Variants in CNTLN observed in about 807,000 individuals in gnomAD.
CNTLN encodes centlein, centrosomal protein.
In CNTLN, 212 loss-of-function variants were observed where a neutral mutation model predicts 180.0. The ratio of observed to expected loss-of-function variants is 1.18; its 90% CI spans 1.05 to 1.32. The LOEUF (loss-of-function observed/expected upper bound fraction) is 1.32, where lower values mean the gene tolerates loss of function less well. Ranked by LOEUF, CNTLN falls within the 40% of genes most tolerant of loss-of-function variation. CNTLN has a pLI of 0.00. For missense variants in CNTLN, 2,095 were observed against 1,610.9 expected (o/e 1.30, Z -5.14); for synonymous variants, 722 against 563.1 (o/e 1.28, Z -3.99).
At chr9:17,390,839 AT>A (rs1463432782) in intron 14 of CNTLN, among the ~76,000 whole-genome samples, 2 of 152,198 alleles carry the variant, frequency 1.3e-5, no homozygotes, top group East Asian at 3.9e-4. Context: ...AATTTAAATA[AT>A]TTTGACCAGT....
At chr9:17,507,251 C>T (rs993829409), downstream of CNTLN, among the ~76,000 whole-genome samples, 18 of 152,216 alleles carry the variant, frequency 1.2e-4, no homozygotes, top group Middle Eastern at 3.4e-3. Context: ...ATTTTGTTTT[C>T]TGTTTCTGTA....
intron 13 of CNTLN, among the ~76,000 whole-genome samples, chr9:17,369,919 G>A (rs774797179): frequency 2.0e-4 from 30 of 151,742 alleles, no homozygotes; most frequent in Admixed American, 1.3e-4. Context: ...CCCGGGAGGC[G>A]GAGGTTGCTG....
intron 1 of CNTLN, among the ~76,000 whole-genome samples, chr9:17,140,534 G>T (rs1443403088): frequency 6.6e-6 from 1 of 151,958 alleles, no homozygotes; most frequent in East Asian, 1.9e-4. Flanking sequence ...TTGACCTCCC[G>T]GGCTCAGCAA....
At chr9:17,366,393 C>G (rs545189382) in intron 12 of CNTLN, among the ~76,000 whole-genome samples, 2 of 152,086 alleles carry the variant, frequency 1.3e-5, no homozygotes, top group African/African-American at 4.8e-5. Context: ...ATCCCCTTGC[C>G]TTGGCTTTCT....
At chr9:17,339,407 T>C (rs1410565553) in intron 10 of CNTLN, among the ~76,000 whole-genome samples, 3 of 152,212 alleles carry the variant, frequency 2.0e-5, no homozygotes, top group African/African-American at 4.8e-5. Flanking sequence ...CTTTGTGTCC[T>C]TAAAAGGGCT....
At chr9:17,145,779 G>C (rs1364759644) in intron 2 of CNTLN, among the ~76,000 whole-genome samples, 1 of 152,158 alleles carries the variant, frequency 6.6e-6, no homozygotes, top group East Asian at 1.9e-4. Context: ...TAGGATGCCA[G>C]ATTATCCGTT....
At chr9:17,174,553 G>A (rs774352023) in intron 2 of CNTLN, among the ~76,000 whole-genome samples, 7 of 152,174 alleles carry the variant, frequency 4.6e-5, no homozygotes, top group South Asian at 2.1e-4. Context: ...AAAATTAGCC[G>A]GACGTGGTGG....
intron 18 of CNTLN, among the ~76,000 whole-genome samples, chr9:17,442,841 G>A (rs889249745): frequency 4.6e-5 from 7 of 152,212 alleles, no homozygotes; most frequent in African/African-American, 1.4e-4. Context: ...GGAAGTTTAT[G>A]TACTGTACAC....
intron 10 of CNTLN, among the ~76,000 whole-genome samples, chr9:17,339,093 TCTG>T (rs1821275950): frequency 6.6e-6 from 1 of 152,204 alleles, no homozygotes; most frequent in South Asian, 2.1e-4. Flanking sequence ...CTGAATCCAT[TCTG>T]CTTTTTCATC....
chr9:17,252,392 T>G (rs1220974378), intron 5 of CNTLN, among the ~76,000 whole-genome samples: 1 of 151,872 alleles, frequency 6.6e-6, no homozygotes, highest in East Asian at 1.9e-4. Context: ...CGCTGTTGTA[T>G]CCTCACTTAC....
At chr9:17,439,179 T>C (rs1410872662) in intron 18 of CNTLN, among the ~76,000 whole-genome samples, 5 of 152,162 alleles carry the variant, frequency 3.3e-5, no homozygotes, top group Admixed American at 6.6e-5. Context: ...AGGCTCAAAA[T>C]AAATAATTCA....
intron 10 of CNTLN, among the ~76,000 whole-genome samples, chr9:17,338,331 A>ATTTTT (rs1238106698): frequency 8.4e-4 from 23 of 27,324 alleles, no homozygotes; most frequent in African/African-American, 2.2e-3. Context: ...CTCCTGGCTA[A>ATTTTT]TTTTTGTTTT....
intron 6 of CNTLN, 144 bp from the exon 7 acceptor site, chr9:17,298,046 T>C: frequency 2.0e-6 from 1 of 510,542 alleles, no homozygotes; most frequent in Non-Finnish European, 3.3e-6. Flanking sequence ...AATATGTCAT[T>C]ATTTCTTTTA....
intron 2 of CNTLN, among the ~76,000 whole-genome samples, chr9:17,208,430 C>G (rs1215774517): frequency 1.3e-5 from 2 of 151,926 alleles, no homozygotes; most frequent in East Asian, 3.8e-4. Flanking sequence ...CCAGTGGTTT[C>G]CTTTATTTGA....
chr9:17,216,076 C>G (rs145852512), intron 2 of CNTLN, among the ~76,000 whole-genome samples: 24 of 152,274 alleles, frequency 1.6e-4, no homozygotes, highest in African/African-American at 4.8e-4. Flanking sequence ...CACTATCTGA[C>G]AAGCCCCAGT....
At position 17,259,378 on chromosome 9, in the gene CNTLN, A is replaced by C. The variant is rs1457074893; in HGVS notation, c.850-14355A>C. Among the ~76,000 whole-genome samples the C allele has an allele frequency of 5.3e-5, 7 of 133,088 alleles. 1 individual carries two copies. The highest frequency in any genetic ancestry group is 2.1e-4 in the African/African-American group (7 of 33,538). 87.3% of individuals were successfully genotyped at this position (133,088 alleles called of 152,430 possible). ...GATGTGCTGCTGGATTCAGTTTGCC[A>C]GTATTTTATTGAGGATTTTTGCATC... is the stretch of plus-strand genomic sequence containing the variant. On this transcript the variant is annotated intron_variant, in intron 5 of 25. Transcript: ENST00000380647.
At chr9:17,485,584 G>T (rs139998057) in intron 24 of CNTLN, among the ~76,000 whole-genome samples, 1 of 152,200 alleles carries the variant, frequency 6.6e-6, no homozygotes, top group East Asian at 1.9e-4. Flanking sequence ...CTTATTATAG[G>T]CATTTAATTA....
intron 8 of CNTLN, among the ~76,000 whole-genome samples, chr9:17,314,554 ACT>A (rs1443777991): frequency 1.3e-5 from 2 of 151,898 alleles, no homozygotes; most frequent in Admixed American, 1.3e-4. Flanking sequence ...CATAGTTTTG[ACT>A]CTCTCTTTTC....
chr9:17,438,084 T>C (rs10963099), intron 18 of CNTLN, among the ~76,000 whole-genome samples: 61,881 of 151,894 alleles, frequency 0.41, 14,795 homozygotes, highest in African/African-American at 0.66. Context: ...CACTTATTAT[T>C]CTCACCTAGG....
Sources: allele counts gnomAD v4.1 joint callset (sites outside exome capture counted in the v4.1 genomes callset), GRCh38; gene constraint gnomAD v4.1.1; transcripts MANE v1.5; gene names NCBI Gene and HGNC (gene_info 2026-07-23, HGNC 2026-07-21).